The following TBX19 variants were observed in gnomAD, a reference collection of about 807,000 sequenced individuals.
The protein encoded by TBX19 is T-box transcription factor TBX19.
Under a neutral mutation model 40.9 loss-of-function variants are expected in TBX19, and 33 were observed. That is an observed-to-expected ratio of 0.81 (90% CI 0.61 to 1.08). The LOEUF (loss-of-function observed/expected upper bound fraction) is 1.08, where lower values mean the gene tolerates loss of function less well. Among genes scored for constraint, TBX19 ranks in the 50% least tolerant of loss-of-function variants. The pLI is 0.00. For missense variants in TBX19, 494 were observed against 574.0 expected, an observed-to-expected ratio of 0.86 and a Z score of 1.42; for synonymous variants, 220 against 225.0, an observed-to-expected ratio of 0.98 and a Z score of 0.20.
At position 168,305,029 on chromosome 1, in the gene TBX19, A is replaced by G. The variant is rs1315600958; in HGVS notation, c.749A>G (p.Asn250Ser). 2.5e-6 allele frequency: 4 copies of G among 1,614,034 alleles called. No homozygotes were observed. The highest frequency in any genetic ancestry group is 3.4e-6 in the Non-Finnish European group (4 of 1,180,014). Reference sequence around the variant, plus strand: ...TTAGTGGGAGGCTGGATCTTTTCCAATCCAGATGGAGTGTGCACAGCAGGA... The same window carrying G: ...TTAGTGGGAGGCTGGATCTTTTCCAGTCCAGATGGAGTGTGCACAGCAGGA... ...YSHLGGWIFS[N>S]PDGVCTAGNS... Residue 250 changes from asparagine (N) to serine (S), a missense_variant, in exon 6 of 8, where the codon AAT becomes AGT. By Grantham distance (46) the Asn-to-Ser change is conservative (BLOSUM62 1). Around this residue, in one of 3 missense-constraint regions of TBX19, gnomAD observed 284 missense variants for 307.3 expected, o/e 0.92. Coordinates refer to ENST00000367821, the MANE Select transcript of TBX19 (RefSeq NM_005149.3).
Position 168,300,482 on chromosome 1 carries a change from C to A in TBX19, c.726C>A (p.His242Gln). ...AGAGCCAGCATGTGACCTATTCTCA[C>A]TGTGAGTTGGGTGTACATGAGGCGG... is the stretch of plus-strand genomic sequence containing the variant. ...ISESQHVTYS[H>Q]LGGWIFSNPD... The change falls in exon 5 of 8, where the codon CAC becomes CAA. Residue 242 changes from histidine (H) to glutamine (Q), a missense_variant and splice_region_variant. Coordinates refer to ENST00000367821, the MANE Select transcript of TBX19 (RefSeq NM_005149.3). The A allele has an allele frequency of 6.2e-7, 1 of 1,614,076 alleles. No homozygotes were observed. Among genetic ancestry groups the A allele is most frequent in the Non-Finnish European group, 8.5e-7 (1 of 1,179,992 alleles).
rs1649565486 is a variant in TBX19 at position 168,313,039 on chromosome 1, C to T, written c.*37C>T. ...GGAGCCTCTTTGCACAGCGATCCTT[C>T]CATGTGTAGAGTGCTTAGAAACCCC... is the stretch of plus-strand genomic sequence containing the variant. On this transcript the variant is annotated 3_prime_UTR_variant, in exon 8 of 8. Transcript: ENST00000367821. 6.2e-7 allele frequency: 1 copy of T among 1,612,312 alleles called. No individual in the cohort carries two copies. The highest frequency in any genetic ancestry group is 2.2e-5 in the East Asian group (1 of 44,884).
At chr1:168,287,845 T>C (rs1648840569) in intron 1 of TBX19, among the ~76,000 whole-genome samples, 1 of 151,386 alleles carries the variant, frequency 6.6e-6, no homozygotes, top group Non-Finnish European at 1.5e-5. Context: ...TTCCTTTCAC[T>C]GTGGCTCAAC....
intron 4 of TBX19, among the ~76,000 whole-genome samples, chr1:168,299,502 G>A (rs6689391): frequency 6.6e-6 from 1 of 151,876 alleles, no homozygotes; most frequent in Admixed American, 6.6e-5. Context: ...TTAGAGATGG[G>A]GTCTTGCTCT....
intron 2 of TBX19, 61 bp from the exon 3 acceptor site, chr1:168,293,083 T>G (rs2102354625): frequency 6.2e-7 from 1 of 1,604,670 alleles, no homozygotes; most frequent in Non-Finnish European, 8.5e-7. Context: ...GCTGGCTCCT[T>G]TATCACCTGC....
At chr1:168,307,828 T>A (rs1396570604) in intron 6 of TBX19, among the ~76,000 whole-genome samples, 1 of 152,218 alleles carries the variant, frequency 6.6e-6, no homozygotes, top group Non-Finnish European at 1.5e-5. Flanking sequence ...TCAAGCAAAT[T>A]AACATGTCCA....
intron 1 of TBX19, among the ~76,000 whole-genome samples, chr1:168,284,312 C>A (rs1648750778): frequency 6.6e-6 from 1 of 152,168 alleles, no homozygotes; most frequent in African/African-American, 2.4e-5. Context: ...CCTTTCATGT[C>A]CATCCTTTAA....
At chr1:168,290,335 C>CAA (rs1648907287) in intron 1 of TBX19, among the ~76,000 whole-genome samples, 1 of 152,188 alleles carries the variant, frequency 6.6e-6, no homozygotes, top group Admixed American at 6.5e-5. Context: ...CTGCATGTCT[C>CAA]AAAGTGTGTT....
At chr1:168,288,136 G>A (rs1274455470) in intron 1 of TBX19, among the ~76,000 whole-genome samples, 1 of 152,220 alleles carries the variant, frequency 6.6e-6, no homozygotes, top group East Asian at 1.9e-4. Context: ...AAAATCTGAG[G>A]ATGCTGAAGT....
At chr1:168,312,320 C>T (rs1649544580) in intron 7 of TBX19, among the ~76,000 whole-genome samples, 2 of 152,128 alleles carry the variant, frequency 1.3e-5, no homozygotes, top group African/African-American at 4.8e-5. Flanking sequence ...AGTGATGTTT[C>T]CTGGTTATTA....
chr1:168,314,257 A>G lies in TBX19; in HGVS notation c.*1255A>G. On this transcript the variant is annotated 3_prime_UTR_variant, in exon 8 of 8. Coordinates refer to ENST00000367821, the MANE Select transcript of TBX19 (RefSeq NM_005149.3). ...CTCCCGTTGTTTTTGCCTCTGCCAT[A>G]GAGCTCACCTCATTTTGCCTTGTAT... is the stretch of plus-strand genomic sequence containing the variant. The G allele has an allele frequency of 6.5e-6, 1 of 152,928 alleles. No homozygotes were observed. The allele number at this position is 152,928 out of a possible 1,614,324, so 9.5% of individuals were successfully genotyped here.
intron 7 of TBX19, 33 bp downstream of exon 7, chr1:168,308,910 C>T (rs1353631080): frequency 6.2e-7 from 1 of 1,613,980 alleles, no homozygotes; most frequent in Admixed American, 1.7e-5. Flanking sequence ...GCTCATTGGT[C>T]GTCTTGGGGG....
intron 1 of TBX19, among the ~76,000 whole-genome samples, chr1:168,286,593 G>A (rs1335515948): frequency 1.3e-5 from 2 of 152,166 alleles, no homozygotes; most frequent in African/African-American, 4.8e-5. Context: ...ATACTCCATT[G>A]TATGGATATA....
intron 3 of TBX19, 78 bp downstream of exon 3, chr1:168,293,356 G>A (rs1649001788): frequency 6.7e-7 from 1 of 1,493,244 alleles, no homozygotes; most frequent in Middle Eastern, 2.0e-4. Context: ...ATGGCAGGAT[G>A]GGCGGGGGGG....
rs1229309288 is a variant in TBX19 at position 168,293,387 on chromosome 1, G to C, written c.603+109G>C. ...GGGGGGTCCTTTTAGATGAAAGGTA[G>C]GTTTTCCAGGATTTGGATACACTCA... is the stretch of plus-strand genomic sequence containing the variant. On this transcript the variant is annotated intron_variant, in intron 3 of 7. Coordinates refer to ENST00000367821, the MANE Select transcript of TBX19 (RefSeq NM_005149.3). 4.3e-6 allele frequency: 6 copies of C among 1,381,932 alleles called. No homozygotes were observed. In the South Asian group the frequency reaches 7.7e-5, roughly 18 times the overall value. 85.6% of individuals were successfully genotyped at this position (1,381,932 alleles called of 1,614,324 possible). A position where few individuals can be genotyped will look rare whatever the true frequency, so the allele number is the denominator to read the frequency against.
At chr1:168,291,527 A>G (rs866091191) in intron 2 of TBX19, 103 bp downstream of exon 2, 3 of 1,520,732 alleles carry the variant, frequency 2.0e-6, no homozygotes, top group Middle Eastern at 2.2e-4. Context: ...TGTCCTCACC[A>G]GCCTCTTCTC....
intron 3 of TBX19, among the ~76,000 whole-genome samples, chr1:168,294,768 T>A (rs892726389): frequency 2.6e-5 from 4 of 152,094 alleles, no homozygotes; most frequent in Admixed American, 6.5e-5. Flanking sequence ...TCCCAAAGTG[T>A]TGGGATTACA....
chr1:168,285,545 A>G (rs145186129), intron 1 of TBX19, among the ~76,000 whole-genome samples: 50 of 152,360 alleles, frequency 3.3e-4, no homozygotes, highest in East Asian at 1.2e-3. Context: ...TGGTCTCATA[A>G]TAAAAGCCCA....
intron 2 of TBX19, among the ~76,000 whole-genome samples, chr1:168,292,733 G>A (rs1035726637): frequency 2.0e-5 from 3 of 151,824 alleles, no homozygotes; most frequent in Non-Finnish European, 2.9e-5. Context: ...GCGTGGTGGC[G>A]GGCGCCTGTA....
Sources: allele counts gnomAD v4.1 joint callset (sites outside exome capture counted in the v4.1 genomes callset), GRCh38; gene constraint gnomAD v4.1.1; regional missense constraint gnomAD v4.1.1; transcripts MANE v1.5; gene names NCBI Gene and HGNC (gene_info 2026-07-23, HGNC 2026-07-21).